MOK: variants seen among roughly 807,000 people sequenced by gnomAD.
MOK encodes the protein MAPK/MAK/MRK overlapping kinase.
MOK carries 59 observed loss-of-function variants against 54.2 expected under a neutral mutation model. The ratio of observed to expected loss-of-function variants is 1.09; its 90% CI spans 0.88 to 1.35. The LOEUF is 1.35. MOK is among the 40% of genes most tolerant of loss of function. MOK has a pLI of 0.00. For synonymous variants in MOK, 210 were observed against 202.7 expected (o/e 1.04, Z -0.31); for missense variants, 517 against 526.2 (o/e 0.98, Z 0.17).
intron 1 of MOK, among the ~76,000 whole-genome samples, chr14:102,285,107 G>T (rs998797811): frequency 2.7e-5 from 4 of 148,968 alleles, no homozygotes; most frequent in Admixed American, 2.7e-4. Context: ...AAAAGAAAAT[G>T]CAGGCTTGAG....
chr14:102,256,339 C>T (rs1032372199), intron 4 of MOK, among the ~76,000 whole-genome samples: 11 of 151,618 alleles, frequency 7.3e-5, no homozygotes, highest in African/African-American at 2.7e-4. Context: ...CTGAGGCAGG[C>T]GGATCACGAG....
chr14:102,243,684 C>G (rs555297041), intron 7 of MOK, among the ~76,000 whole-genome samples: 436 of 152,284 alleles, frequency 2.9e-3, no homozygotes, highest in Non-Finnish European at 4.4e-3. Context: ...GACTTCAATC[C>G]GGCCTCCCAC....
chr14:102,233,616 G>A (rs2064945276), intron 8 of MOK, 72 bp downstream of exon 8: 7 of 1,356,796 alleles, frequency 5.2e-6, no homozygotes, highest in Non-Finnish European at 7.4e-6. Context: ...GGAGGCACAG[G>A]GAGGGGCTTG....
Position 102,250,841 on chromosome 14 carries a change from G to A in MOK, c.561C>T (p.Ser187=), listed in dbSNP as rs773487676. 5 of 1,613,900 alleles carry A rather than the reference G, an allele frequency of 3.1e-6. No homozygotes were observed. The highest frequency in any genetic ancestry group is 2.2e-5 in the East Asian group (1 of 44,862). ...GFYTYKMDLW[S]AGCVFYEIAS... is the part of the protein sequence containing the mutation. The stretch of plus-strand genomic sequence containing the variant: ...CGATCTCGTAGAACACACAGCCGGC[G>A]CTCCACAGGTCCATCTTGTACGTGT... Residue 187 remains serine (S), a synonymous_variant, in exon 7 of 12, where the codon AGC becomes AGT. Transcript: ENST00000361847.
downstream of MOK, among the ~76,000 whole-genome samples, chr14:102,224,331 C>T (rs1005977694): frequency 1.1e-4 from 17 of 152,042 alleles, no homozygotes; most frequent in East Asian, 1.9e-4. Context: ...TGAGCCACTG[C>T]GCCCGGCCTT....
At chr14:102,266,392 C>T (rs1169940691) in intron 2 of MOK, among the ~76,000 whole-genome samples, 2 of 150,918 alleles carry the variant, frequency 1.3e-5, no homozygotes, top group African/African-American at 2.4e-5. Context: ...GAAGCCTCAA[C>T]CTTCCAGGCT....
At chr14:102,281,618 T>TA (rs2069452464) in intron 2 of MOK, among the ~76,000 whole-genome samples, 2 of 151,904 alleles carry the variant, frequency 1.3e-5, no homozygotes, top group African/African-American at 4.8e-5. Context: ...GTTTTTTTTT[T>TA]AATTTTTGTA....
At chr14:102,297,545 G>A (rs142195927) in intron 1 of MOK, among the ~76,000 whole-genome samples, 1 of 152,218 alleles carries the variant, frequency 6.6e-6, no homozygotes, top group Non-Finnish European at 1.5e-5. Flanking sequence ...CTCGGCCTCG[G>A]TGCCCACTCT....
intron 7 of MOK, chr14:102,234,077 T>C: frequency 3.4e-6 from 1 of 292,722 alleles, no homozygotes; most frequent in Admixed American, 4.8e-5. Flanking sequence ...TTGGGGCTGC[T>C]TCCTCTGACT....
chr14:102,232,431 G>A lies in MOK; in HGVS notation c.866+104C>T. 1 of 1,366,010 alleles carries A rather than the reference G, an allele frequency of 7.3e-7. No homozygotes were observed. The allele number at this position is 1,366,010 out of a possible 1,614,324, so 84.6% of individuals were successfully genotyped here. A position where few individuals can be genotyped will look rare whatever the true frequency, so the allele number is the denominator to read the frequency against. On this transcript the variant is annotated intron_variant, in intron 9 of 11. Transcript: ENST00000361847. This position sits in a 1 kb window ranked among gnomAD's most constrained non-coding sequence, Gnocchi z 5.1. ...TCAGGATAGAGAGCGCGATTCCCAAGAACCAGGGACCCTCCAGGGGGCAGT... is the reference window on the plus strand; with the variant it reads ...TCAGGATAGAGAGCGCGATTCCCAAAAACCAGGGACCCTCCAGGGGGCAGT...
chr14:102,228,534 C>T (rs773891419), downstream of MOK, among the ~76,000 whole-genome samples: 7 of 151,964 alleles, frequency 4.6e-5, no homozygotes, highest in Non-Finnish European at 1.0e-4. Flanking sequence ...CCCGTCTCTA[C>T]TAAAAATACA....
intron 1 of MOK, among the ~76,000 whole-genome samples, chr14:102,288,427 C>T (rs1038340278): frequency 9.9e-5 from 15 of 152,204 alleles, no homozygotes; most frequent in Non-Finnish European, 1.9e-4. Flanking sequence ...TGAAAGAAAT[C>T]AGGCACAAAA....
intron 2 of MOK, among the ~76,000 whole-genome samples, chr14:102,275,697 C>CA (rs1263291193): frequency 4.7e-5 from 7 of 150,088 alleles, no homozygotes; most frequent in Non-Finnish European, 7.4e-5. Flanking sequence ...AGACAGAAAA[C>CA]AAAAAACAAT....
At chr14:102,217,244 G>T in the MOK span, among the ~76,000 whole-genome samples, 1 of 152,212 alleles carries the variant, frequency 6.6e-6, no homozygotes, top group East Asian at 1.9e-4. Context: ...TCCAGTGACA[G>T]CCCGGGCCGG....
At chr14:102,233,463 C>T in intron 8 of MOK, 2 of 519,292 alleles carry the variant, frequency 3.9e-6, no homozygotes, top group Non-Finnish European at 6.9e-6. Context: ...AAGCCTGTGA[C>T]AAATCTTTCT....
chr14:102,274,708 C>T (rs1313866297), intron 2 of MOK, among the ~76,000 whole-genome samples: 1 of 151,770 alleles, frequency 6.6e-6, no homozygotes, highest in African/African-American at 2.4e-5. Context: ...GGCACGGTAA[C>T]TCACGCCTGT....
intron 1 of MOK, among the ~76,000 whole-genome samples, chr14:102,301,068 C>T (rs1049308545): frequency 3.9e-5 from 6 of 152,154 alleles, no homozygotes; most frequent in African/African-American, 1.4e-4. Flanking sequence ...GTACTCATTC[C>T]AGCCTGGCCA....
At chr14:102,263,924 C>T in intron 3 of MOK, 2 of 237,106 alleles carry the variant, frequency 8.4e-6, no homozygotes, top group Non-Finnish European at 1.6e-5. Context: ...GTAAGCAAAA[C>T]AATAAAAGAG....
At chr14:102,215,049 A>C in the MOK span, 2 of 953,562 alleles carry the variant, frequency 2.1e-6, no homozygotes, top group African/African-American at 3.5e-5. Context: ...AAGCTTTAAA[A>C]ATCCCAGTGA....
Sources: allele counts gnomAD v4.1 joint callset (sites outside exome capture counted in the v4.1 genomes callset), GRCh38; gene constraint gnomAD v4.1.1; non-coding constraint Gnocchi (gnomAD v3.1); transcripts MANE v1.5; gene names NCBI Gene and HGNC (gene_info 2026-07-23, HGNC 2026-07-21).